The following GLRA3 variants were observed in gnomAD, a reference collection of about 807,000 sequenced individuals.
GLRA3 encodes the protein glycine receptor alpha 3.
In GLRA3, 44 loss-of-function variants were observed where a neutral mutation model predicts 60.4. The observed-to-expected ratio is 0.73, with a 90% CI of 0.57 to 0.94. The LOEUF (loss-of-function observed/expected upper bound fraction) is 0.94, where lower values mean the gene tolerates loss of function less well. GLRA3 is among the 40% of genes least tolerant of loss of function. The pLI, the probability that GLRA3 is intolerant of heterozygous loss-of-function variation, is 0.00. For missense variants in GLRA3, 508 were observed against 564.6 expected (o/e 0.90, Z 1.02); for synonymous variants, 223 against 192.9 (o/e 1.16, Z -1.29).
At chr4:174,652,537 A>G (rs1244547660) in intron 9 of GLRA3, among the ~76,000 whole-genome samples, 2 of 151,758 alleles carry the variant, frequency 1.3e-5, no homozygotes, top group African/African-American at 2.4e-5. Context: ...CTACTGCACA[A>G]TTCTTTTTAC....
In GLRA3 at chr4:174,739,720, G is replaced by C. The variant is rs527790992; in HGVS notation, c.268-11022C>G. On this transcript the variant is annotated intron_variant, in intron 3 of 9. Coordinates refer to ENST00000274093, the MANE Select transcript of GLRA3 (RefSeq NM_006529.4). Reference sequence around the variant, plus strand: ...GCTTGCAAGGTTCCCACATTTCTATGAGCAGGAAGCGGTATGAAAAGGCTA... The same window carrying C: ...GCTTGCAAGGTTCCCACATTTCTATCAGCAGGAAGCGGTATGAAAAGGCTA... 8.5e-5 allele frequency among the ~76,000 whole-genome samples: 13 copies of C among 152,256 alleles called. No individual in the cohort carries two copies. The South Asian group carries it at 2.5e-3, about 29-fold the overall frequency.
chr4:174,708,609 T>A (rs1159768417), intron 5 of GLRA3, among the ~76,000 whole-genome samples: 1 of 151,236 alleles, frequency 6.6e-6, no homozygotes, highest in Non-Finnish European at 1.5e-5. Flanking sequence ...CTCTTTTTTT[T>A]TTTTTTTGAG....
chr4:174,694,978 G>A (rs1238559793), intron 5 of GLRA3, among the ~76,000 whole-genome samples: 1 of 151,916 alleles, frequency 6.6e-6, no homozygotes, highest in African/African-American at 2.4e-5. Context: ...AACCTAGAAG[G>A]GGTGCTTAAA....
intron 5 of GLRA3, 103 bp downstream of exon 5, chr4:174,715,385 T>C (rs939207441): frequency 2.3e-5 from 15 of 652,666 alleles, no homozygotes; most frequent in Non-Finnish European, 3.9e-5. Context: ...TCAGTAAATA[T>C]GTGACCAAAA....
intron 2 of GLRA3, among the ~76,000 whole-genome samples, chr4:174,769,481 C>T (rs1035334138): frequency 6.6e-6 from 1 of 152,036 alleles, no homozygotes; most frequent in African/African-American, 2.4e-5. Flanking sequence ...CCACATGAAT[C>T]GTTAACTTAT....
chr4:174,674,469 T>G (rs1315469426), intron 7 of GLRA3, among the ~76,000 whole-genome samples: 1 of 152,150 alleles, frequency 6.6e-6, no homozygotes, highest in Admixed American at 6.6e-5. Context: ...TATCATGACA[T>G]TGTAGAGGCT....
intron 9 of GLRA3, among the ~76,000 whole-genome samples, chr4:174,644,317 T>C (rs909198450): frequency 6.6e-6 from 1 of 152,108 alleles, no homozygotes; most frequent in East Asian, 1.9e-4. Flanking sequence ...GAAAACTAAA[T>C]TCTGATATTT....
At chr4:174,714,836 G>A (rs1236751293) in intron 5 of GLRA3, among the ~76,000 whole-genome samples, 1 of 152,210 alleles carries the variant, frequency 6.6e-6, no homozygotes, top group African/African-American at 2.4e-5. Flanking sequence ...GTTCATCTGT[G>A]TTAACGTTGA....
At chr4:174,812,008 T>G (rs1330835316) in intron 1 of GLRA3, among the ~76,000 whole-genome samples, 2 of 152,160 alleles carry the variant, frequency 1.3e-5, no homozygotes, top group Non-Finnish European at 2.9e-5. Flanking sequence ...CAAAGCATGT[T>G]TAAAATAAAA....
intron 5 of GLRA3, among the ~76,000 whole-genome samples, chr4:174,689,513 T>G (rs1734699048): frequency 6.6e-6 from 1 of 151,966 alleles, no homozygotes; most frequent in African/African-American, 2.4e-5. Flanking sequence ...TTTTAGAGTA[T>G]CCATTACCCA....
intron 7 of GLRA3, among the ~76,000 whole-genome samples, chr4:174,660,739 A>G (rs1733401955): frequency 6.6e-6 from 1 of 152,194 alleles, no homozygotes; most frequent in African/African-American, 2.4e-5. Context: ...ATATTTATCA[A>G]TTAGCATTCT....
intron 1 of GLRA3, among the ~76,000 whole-genome samples, chr4:174,795,069 G>C (rs1253524946): frequency 6.6e-6 from 1 of 150,638 alleles, no homozygotes; most frequent in Non-Finnish European, 1.5e-5. Flanking sequence ...TATAACCTCA[G>C]TGCTTAACCT....
At chr4:174,789,239 T>C (rs537050151) in intron 1 of GLRA3, among the ~76,000 whole-genome samples, 158 of 152,334 alleles carry the variant, frequency 1.0e-3, no homozygotes, top group African/African-American at 3.7e-3. Flanking sequence ...TACAAAAGCC[T>C]TATTTCTGAT....
At chr4:174,715,633 C>G in intron 4 of GLRA3, 63 bp from the exon 5 acceptor site, 1 of 741,496 alleles carries the variant, frequency 1.3e-6, no homozygotes, top group South Asian at 1.9e-5. Context: ...TTCTATTGTA[C>G]AGGAGAAACA....
At chr4:174,777,218 T>G (rs560950333) in intron 2 of GLRA3, among the ~76,000 whole-genome samples, 1 of 152,198 alleles carries the variant, frequency 6.6e-6, no homozygotes, top group African/African-American at 2.4e-5. Flanking sequence ...TTTGACTTCT[T>G]TATGATATTA....
chr4:174,817,106 A>G (rs1740536378), intron 1 of GLRA3, among the ~76,000 whole-genome samples: 1 of 152,200 alleles, frequency 6.6e-6, no homozygotes, highest in Non-Finnish European at 1.5e-5. Flanking sequence ...GATGCTTCCA[A>G]GAAGTTCAGC....
intron 3 of GLRA3, among the ~76,000 whole-genome samples, chr4:174,745,065 C>T (rs891725914): frequency 2.0e-5 from 3 of 152,136 alleles, no homozygotes; most frequent in South Asian, 2.1e-4. Context: ...GAAAGAACCA[C>T]AGAACTTGAA....
At chr4:174,658,445 C>T (rs897679562) in intron 8 of GLRA3, among the ~76,000 whole-genome samples, 1 of 152,148 alleles carries the variant, frequency 6.6e-6, no homozygotes, top group Non-Finnish European at 1.5e-5. Flanking sequence ...ACTTCTGCAA[C>T]TTCCTACGGT....
chr4:174,656,627 CAATACA>C, intron 9 of GLRA3, 110 bp downstream of exon 9: 1 of 568,626 alleles, frequency 1.8e-6, no homozygotes, highest in Non-Finnish European at 3.3e-6. Flanking sequence ...GCTCAGCTTT[CAATACA>C]AAAGGGGCTG....
Sources: gnomAD v4.1 joint callset for allele counts (sites outside exome capture counted in the v4.1 genomes callset) on GRCh38, gnomAD v4.1.1 for gene constraint, MANE v1.5 for transcripts, NCBI Gene and HGNC (gene_info 2026-07-23, HGNC 2026-07-21) for gene names.